LINGO2: variants seen among roughly 807,000 people sequenced by gnomAD.
LINGO2 encodes the protein leucine-rich repeat and immunoglobulin-like domain-containing nogo receptor-interacting protein 2.
In LINGO2, 14 loss-of-function variants were observed where a neutral mutation model predicts 30.6. That is an observed-to-expected ratio of 0.46 (90% CI 0.30 to 0.72). The LOEUF is 0.72. Among genes scored for constraint, LINGO2 ranks in the 30% least tolerant of loss-of-function variants. The pLI is 0.07. For missense variants in LINGO2, 729 were observed against 751.7 expected (o/e 0.97, Z 0.35); for synonymous variants, 317 against 288.5 (o/e 1.10, Z -1.00).
chr9:28,200,381 A>C (rs1262423194), intron 4 of LINGO2, among the ~76,000 whole-genome samples: 2 of 152,198 alleles, frequency 1.3e-5, no homozygotes, highest in Non-Finnish European at 2.9e-5. Flanking sequence ...AGAATAAATA[A>C]GACCACGTTA....
intron 4 of LINGO2, among the ~76,000 whole-genome samples, chr9:28,084,955 T>C (rs1384792782): frequency 6.6e-6 from 1 of 152,122 alleles, no homozygotes; most frequent in Non-Finnish European, 1.5e-5. Flanking sequence ...AGTTCAAAAT[T>C]ATAGCTACCA....
At chr9:28,390,500 T>C (rs1380418123) in intron 2 of LINGO2, among the ~76,000 whole-genome samples, 1 of 152,132 alleles carries the variant, frequency 6.6e-6, no homozygotes, top group African/African-American at 2.4e-5. Flanking sequence ...ACATCTTCCA[T>C]TGTTCTCCTG....
At chr9:28,063,286 A>G (rs1825212453) in intron 4 of LINGO2, among the ~76,000 whole-genome samples, 1 of 152,146 alleles carries the variant, frequency 6.6e-6, no homozygotes, top group Non-Finnish European at 1.5e-5. Flanking sequence ...AATACCTCAC[A>G]GAGATTTTTC....
chr9:28,803,536 A>G, the LINGO2 span, among the ~76,000 whole-genome samples: 1 of 151,856 alleles, frequency 6.6e-6, no homozygotes, highest in Admixed American at 6.6e-5. Flanking sequence ...TACTCTGTTC[A>G]TTTAGAAAAA....
chr9:28,037,331 A>T (rs1015895914), intron 4 of LINGO2, among the ~76,000 whole-genome samples: 1 of 152,194 alleles, frequency 6.6e-6, no homozygotes. Flanking sequence ...TCTAGACTTA[A>T]ACTTTATACT....
intron 1 of LINGO2, chr9:28,598,787 A>G (rs989018095): frequency 6.6e-6 from 1 of 152,212 alleles, no homozygotes; most frequent in African/African-American, 2.4e-5. Flanking sequence ...TCTCTTTTAA[A>G]ATCCAGGCTT....
At chr9:29,000,190 C>T in the LINGO2 span, among the ~76,000 whole-genome samples, 17 of 151,772 alleles carry the variant, frequency 1.1e-4, no homozygotes, top group African/African-American at 4.1e-4. Flanking sequence ...TCGGCATGGC[C>T]CTATGGACAT....
At chr9:28,459,916 T>C (rs965224675) in intron 2 of LINGO2, among the ~76,000 whole-genome samples, 1 of 152,146 alleles carries the variant, frequency 6.6e-6, no homozygotes, top group African/African-American at 2.4e-5. Flanking sequence ...AATGCATATG[T>C]CCAATAAAAA....
intron 2 of LINGO2, among the ~76,000 whole-genome samples, chr9:28,455,670 G>A (rs1280925389): frequency 1.3e-5 from 2 of 152,114 alleles, no homozygotes; most frequent in African/African-American, 4.8e-5. Context: ...AATAGGCCAT[G>A]CTACTCTCTT....
At chr9:28,315,125 A>G (rs557083039) in intron 3 of LINGO2, among the ~76,000 whole-genome samples, 1 of 151,316 alleles carries the variant, frequency 6.6e-6, no homozygotes, top group East Asian at 2.0e-4. Context: ...AGAGATGGAT[A>G]AAAAAAGAGA....
intron 2 of LINGO2, among the ~76,000 whole-genome samples, chr9:28,381,214 A>C (rs1044521292): frequency 1.3e-5 from 2 of 152,098 alleles, no homozygotes; most frequent in Non-Finnish European, 2.9e-5. Context: ...AAAAAACAAA[A>C]AAACAAAAAC....
At chr9:28,672,230 C>T (rs1829046594), upstream of LINGO2, among the ~76,000 whole-genome samples, 1 of 152,154 alleles carries the variant, frequency 6.6e-6, no homozygotes, top group African/African-American at 2.4e-5. Context: ...AACCCTAAAA[C>T]ACCAAGAATG....
At chr9:28,886,208 G>A in the LINGO2 span, among the ~76,000 whole-genome samples, 33 of 152,194 alleles carry the variant, frequency 2.2e-4, no homozygotes, top group South Asian at 4.6e-3. Flanking sequence ...ACAGTGAGAA[G>A]GGGAAGAAAA....
At chr9:28,620,308 G>C (rs1263256360) in intron 1 of LINGO2, among the ~76,000 whole-genome samples, 7 of 152,082 alleles carry the variant, frequency 4.6e-5, no homozygotes, top group Non-Finnish European at 1.0e-4. Context: ...CAGAAGCAGA[G>C]TTAAAGTAAG....
chr9:28,766,095 G>A, the LINGO2 span, among the ~76,000 whole-genome samples: 2 of 151,970 alleles, frequency 1.3e-5, no homozygotes, highest in African/African-American at 4.8e-5. Flanking sequence ...TAAACAAGTG[G>A]TATGGCATCA....
At chr9:28,410,958 G>T (rs911875947) in intron 2 of LINGO2, among the ~76,000 whole-genome samples, 2 of 152,050 alleles carry the variant, frequency 1.3e-5, no homozygotes, top group African/African-American at 2.4e-5. Context: ...TTTCCCCTCA[G>T]TGTCAACATG....
At chr9:28,862,851 C>T in the LINGO2 span, among the ~76,000 whole-genome samples, 2 of 152,030 alleles carry the variant, frequency 1.3e-5, no homozygotes, top group African/African-American at 4.8e-5. Context: ...AATAGTTAAT[C>T]ATCAATTGTT....
intron 1 of LINGO2, among the ~76,000 whole-genome samples, chr9:28,555,614 A>T (rs1216498705): frequency 6.6e-6 from 1 of 152,070 alleles, no homozygotes; most frequent in Non-Finnish European, 1.5e-5. Context: ...TCCAATCAAT[A>T]GAAAAAGAGG....
At chr9:29,077,939 C>T in the LINGO2 span, among the ~76,000 whole-genome samples, 3 of 151,814 alleles carry the variant, frequency 2.0e-5, no homozygotes, top group Admixed American at 6.6e-5. Context: ...TAAGAAAGAC[C>T]ATACTGGAAA....
Sources: allele counts gnomAD v4.1 joint callset (sites outside exome capture counted in the v4.1 genomes callset), GRCh38; gene constraint gnomAD v4.1.1; transcripts MANE v1.5; gene names NCBI Gene and HGNC (gene_info 2026-07-23, HGNC 2026-07-21).